SLC25A26: variants seen among roughly 807,000 people sequenced by gnomAD.
SLC25A26 encodes the protein solute carrier family 25 member 26, also known as mitochondrial S-adenosylmethionine carrier protein.
Under a neutral mutation model 37.8 loss-of-function variants are expected in SLC25A26, and 36 were observed. That is an observed-to-expected ratio of 0.95 (90% CI 0.73 to 1.26). SLC25A26 has a LOEUF of 1.26. Among genes scored for constraint, SLC25A26 ranks in the 50% most tolerant of loss-of-function variants. SLC25A26 has a pLI of 0.00. For missense variants in SLC25A26, 390 were observed against 331.1 expected (o/e 1.18, Z -1.38); for synonymous variants, 129 against 122.5 (o/e 1.05, Z -0.35).
At chr3:66,240,751 T>TC (rs201986694) in intron 2 of SLC25A26, among the ~76,000 whole-genome samples, 6 of 141,880 alleles carry the variant, frequency 4.2e-5, no homozygotes, top group Admixed American at 6.7e-5. Context: ...TCTTTTCTTT[T>TC]TTTTTTTTTT....
At chr3:66,306,663 C>CA (rs1300698566) in intron 5 of SLC25A26, among the ~76,000 whole-genome samples, 1 of 152,106 alleles carries the variant, frequency 6.6e-6, no homozygotes, top group Non-Finnish European at 1.5e-5. Context: ...CCCTTGCCCC[C>CA]AGCCCCCAAC....
chr3:66,372,535 C>A (rs1700402434), intron 9 of SLC25A26, among the ~76,000 whole-genome samples: 1 of 152,154 alleles, frequency 6.6e-6, no homozygotes, highest in Admixed American at 6.5e-5. Context: ...CTGTCCCTGT[C>A]CCCATTGTCA....
rs116805423 is a variant in SLC25A26 at position 66,141,467 on chromosome 3, T to A, written c.-354+7483T>A. On this transcript the variant is annotated intron_variant, in intron 1 of 10. Transcript: ENST00000676754. The stretch of plus-strand genomic sequence containing the variant: ...AATAGGATTGTCATGAGGATGATAA[T>A]GATGTCCTGTGTCATCTTGATGAAA... 8.5e-3 allele frequency among the ~76,000 whole-genome samples: 1,299 copies of A among 152,072 alleles called. 10 individuals carry two copies. Among genetic ancestry groups the A allele is most frequent in the Non-Finnish European group, 0.015 (1,007 of 68,000 alleles).
At chr3:66,247,763 A>G (rs949068441) in intron 3 of SLC25A26, among the ~76,000 whole-genome samples, 6 of 152,348 alleles carry the variant, frequency 3.9e-5, no homozygotes, top group African/African-American at 1.4e-4. Flanking sequence ...TTTTCTCAAT[A>G]AATGCTTATA....
At chr3:66,271,804 A>G (rs945787464) in intron 5 of SLC25A26, among the ~76,000 whole-genome samples, 31 of 151,972 alleles carry the variant, frequency 2.0e-4, no homozygotes, top group African/African-American at 7.5e-4. Context: ...GTTAAGATCC[A>G]TGAGTAATTG....
At chr3:66,367,707 C>CAGAGAG (rs71616221) in intron 7 of SLC25A26, among the ~76,000 whole-genome samples, 20 of 136,888 alleles carry the variant, frequency 1.5e-4, no homozygotes, top group South Asian at 8.7e-4. Flanking sequence ...CAGACAGACA[C>CAGAGAG]AGAGAGAGAG....
intron 4 of SLC25A26, among the ~76,000 whole-genome samples, chr3:66,262,591 T>G (rs2073572759): frequency 6.6e-6 from 1 of 152,230 alleles, no homozygotes; most frequent in Non-Finnish European, 1.5e-5. Context: ...CAGTCAGAAA[T>G]TATTCTTCCT....
chr3:66,189,205 A>T (rs1394251549), intron 1 of SLC25A26, among the ~76,000 whole-genome samples: 2 of 151,854 alleles, frequency 1.3e-5, no homozygotes, highest in African/African-American at 4.8e-5. Context: ...GTTGACCCTG[A>T]CCCTGACCTT....
chr3:66,209,137 TTA>T (rs1231954950), intron 1 of SLC25A26, among the ~76,000 whole-genome samples: 2 of 94,038 alleles, frequency 2.1e-5, no homozygotes, highest in Non-Finnish European at 4.1e-5. Flanking sequence ...TATATACCTT[TTA>T]TATATATATA....
intron 5 of SLC25A26, chr3:66,323,723 G>A (rs1320538839): frequency 6.6e-6 from 1 of 152,238 alleles, no homozygotes; most frequent in East Asian, 1.9e-4. Context: ...CTCTGGTGAG[G>A]GATGGCTTGA....
chr3:66,296,198 T>A (rs2074897584), intron 5 of SLC25A26, among the ~76,000 whole-genome samples: 1 of 152,208 alleles, frequency 6.6e-6, no homozygotes. Context: ...TTCAACATAC[T>A]GACCAATTCT....
Position 66,236,810 on chromosome 3 carries a change from A to T in SLC25A26, c.190+110A>T, listed in dbSNP as rs2072314397. On this transcript the variant is annotated intron_variant, in intron 2 of 9. Transcript: ENST00000354883. ...CTTGTGTGTTGAAGCTTATCTTCTG[A>T]ATTTCCTTCTTTAACCTGGTGTCAT... is the stretch of plus-strand genomic sequence containing the variant. The T allele has an allele frequency of 6.3e-6, 5 of 790,206 alleles. No homozygotes were observed. The South Asian group carries it at 1.8e-4, about 28-fold the overall frequency. The allele number at this position is 790,206 out of a possible 1,614,324, so 48.9% of individuals were successfully genotyped here.
At chr3:66,335,124 G>A (rs945218935) in intron 5 of SLC25A26, among the ~76,000 whole-genome samples, 3 of 152,196 alleles carry the variant, frequency 2.0e-5, no homozygotes, top group African/African-American at 7.2e-5. Flanking sequence ...TAAATTGGGG[G>A]CAGTGTCTTG....
At chr3:66,254,088 A>T (rs1031511960) in intron 3 of SLC25A26, among the ~76,000 whole-genome samples, 3 of 152,196 alleles carry the variant, frequency 2.0e-5, no homozygotes, top group Admixed American at 2.0e-4. Context: ...GATTGGAAAG[A>T]GTCTTATAAG....
intron 6 of SLC25A26, among the ~76,000 whole-genome samples, chr3:66,357,282 C>T (rs1456484576): frequency 6.6e-6 from 1 of 152,146 alleles, no homozygotes; most frequent in Non-Finnish European, 1.5e-5. Context: ...GGCATGATGG[C>T]CCTTGCCCAT....
intron 5 of SLC25A26, among the ~76,000 whole-genome samples, chr3:66,322,737 T>C (rs572295729): frequency 6.6e-6 from 1 of 151,414 alleles, no homozygotes; most frequent in East Asian, 1.9e-4. Flanking sequence ...ACTGAATTTA[T>C]AGCTCAGCAC....
At chr3:66,172,322 GA>G (rs2106734517) in intron 1 of SLC25A26, among the ~76,000 whole-genome samples, 1 of 149,244 alleles carries the variant, frequency 6.7e-6, no homozygotes, top group South Asian at 2.2e-4. Flanking sequence ...GAGGTGGAAG[GA>G]TTGCTTGGGC....
At chr3:66,373,486 A>G (rs1391507616) in intron 9 of SLC25A26, among the ~76,000 whole-genome samples, 2 of 152,138 alleles carry the variant, frequency 1.3e-5, no homozygotes, top group African/African-American at 4.8e-5. Flanking sequence ...AGAAATAAGT[A>G]AGGTAGTAAA....
rs951894635 is a variant in SLC25A26, at chr3:66,197,785, G to T, written c.-353-22957G>T. Reference sequence around the variant, plus strand: ...CAGGGTTATTGTGAGATGAGAGGGAGATTCTGAGTCAGTATATGTGTAAGG... The same window carrying T: ...CAGGGTTATTGTGAGATGAGAGGGATATTCTGAGTCAGTATATGTGTAAGG... On this transcript the variant is annotated intron_variant, in intron 1 of 10. Transcript: ENST00000676754. Among the ~76,000 whole-genome samples the T allele has an allele frequency of 3.9e-4, 60 of 152,152 alleles. 1 individual carries two copies. In the South Asian group the frequency reaches 0.012, roughly 31 times the overall value.
Sources: allele counts gnomAD v4.1 joint callset (sites outside exome capture counted in the v4.1 genomes callset), GRCh38; gene constraint gnomAD v4.1.1; transcripts MANE v1.5; gene names NCBI Gene and HGNC (gene_info 2026-07-23, HGNC 2026-07-21).